Variants in ABCB5 observed in about 807,000 individuals in gnomAD.
ABCB5 encodes ATP-binding cassette sub-family B member 5.
A neutral mutation model predicts 144.2 loss-of-function variants in ABCB5; 155 were observed. The ratio of observed to expected loss-of-function variants is 1.08; its 90% CI spans 0.94 to 1.23. The LOEUF (loss-of-function observed/expected upper bound fraction) is 1.23, where lower values mean the gene tolerates loss of function less well. ABCB5 is among the 50% of genes most tolerant of loss of function. The probability of loss-of-function intolerance (pLI) is 0.00; values close to 1 mark genes in which losing one functional copy is unlikely to be tolerated. For missense variants in ABCB5, 1,830 were observed against 1,520.8 expected (o/e 1.20, Z -3.38); for synonymous variants, 610 against 528.6 (o/e 1.15, Z -2.11).
In ABCB5 at chr7:20,620,498, G is replaced by T. The variant is rs187899098; in HGVS notation, c.-21-2767G>T. ...ATAAAACAAAATATTTGCAAATCAC[G>T]TACTTAATAATATCCAGAATATATA... On this transcript the variant is annotated intron_variant, in intron 1 of 27. Coordinates refer to ENST00000404938, the MANE Select transcript of ABCB5 (RefSeq NM_001163941.2). Among the ~76,000 whole-genome samples, 485 of 151,912 alleles carry T rather than the reference G, an allele frequency of 3.2e-3. 11 individuals are homozygous for T. The highest frequency in any genetic ancestry group is 0.028 in the Admixed American group (424 of 15,230).
intron 26 of ABCB5, among the ~76,000 whole-genome samples, chr7:20,749,365 C>T (rs1182818307): frequency 6.7e-6 from 1 of 149,726 alleles, no homozygotes; most frequent in East Asian, 2.0e-4. Context: ...GGAGCTGCGA[C>T]CATAGGTGCC....
At chr7:20,720,231 T>C (rs1781816321) in intron 20 of ABCB5, among the ~76,000 whole-genome samples, 1 of 152,154 alleles carries the variant, frequency 6.6e-6, no homozygotes, top group South Asian at 2.1e-4. Context: ...ACATCTGGGA[T>C]AATTTGAGTC....
In ABCB5 at chr7:20,698,467, T is replaced by C; in HGVS notation, c.2071T>C (p.Phe691Leu). 5 of 1,600,328 alleles carry C rather than the reference T, an allele frequency of 3.1e-6. No homozygotes were observed. Among genetic ancestry groups the C allele is most frequent in the Non-Finnish European group, 4.3e-6 (5 of 1,175,384 alleles). The stretch of plus-strand genomic sequence containing the variant: ...AAAGTTAAACAAGCCTGAATGGCCT[T>C]TTGTGGTTCTGGGGACATTGGCTTC... The part of the protein sequence containing the change: ...ILKLNKPEWP[F>L]VVLGTLASVL... The change falls in exon 17 of 28, where the codon TTT (phenylalanine) becomes CTT (leucine). Residue 691 changes from phenylalanine (F) to leucine (L), a missense_variant. Transcript: ENST00000404938.
At position 20,755,420 on chromosome 7, in the gene ABCB5, C is replaced by T. The variant is rs1180427104; in HGVS notation, c.3577-7C>T. The T allele has an allele frequency of 6.2e-7, 1 of 1,613,924 alleles. No individual in the cohort carries two copies. On this transcript the variant is annotated splice_region_variant and splice_polypyrimidine_tract_variant and intron_variant, in intron 27 of 27. Transcript: ENST00000404938. ...AACTGGTGATCACAGGTCTTTCTCT[C>T]TTCCAGGTGGTTCAGCATGCCCTTG...
At chr7:20,706,225 A>T (rs1786817718) in intron 20 of ABCB5, among the ~76,000 whole-genome samples, 2 of 152,176 alleles carry the variant, frequency 1.3e-5, no homozygotes. Context: ...TCCAGGCAGA[A>T]ATATCAATCC....
At chr7:20,718,126 G>C (rs974416780) in intron 20 of ABCB5, among the ~76,000 whole-genome samples, 1 of 151,018 alleles carries the variant, frequency 6.6e-6, no homozygotes, top group Non-Finnish European at 1.5e-5. Flanking sequence ...AGCCAGGATG[G>C]TCTTGATCTC....
chr7:20,676,161 TACACATACACACACAC>T lies in ABCB5; in HGVS notation c.1708-5338_1708-5323del, dbSNP rs1416709393. On this transcript the variant is annotated intron_variant, in intron 14 of 27. Coordinates refer to ENST00000404938, the MANE Select transcript of ABCB5 (RefSeq NM_001163941.2). ...TTACCATGTGACCCAGCAATTCTAC[TACACATACACACACAC>T]ACACACACACACACACACACACATA... Among the ~76,000 whole-genome samples the T allele has an allele frequency of 2.9e-3, 274 of 95,860 alleles. 1 individual carries two copies. Among genetic ancestry groups the T allele is most frequent in the African/African-American group, 9.8e-3 (253 of 25,766 alleles). 62.9% of individuals were successfully genotyped at this position (95,860 alleles called of 152,430 possible).
At position 20,738,996 on chromosome 7, in the gene ABCB5, A is replaced by G; in HGVS notation, c.2881A>G (p.Ile961Val). ...ATCTTTTGATAGAGTTTTTACTGCAATTGCATATGGAGCTATGGCCATCGG... is the reference window on the plus strand; with the variant it reads ...ATCTTTTGATAGAGTTTTTACTGCAGTTGCATATGGAGCTATGGCCATCGG... ...PEGMFIVFTAIAYGAMAIGET... is the reference protein window; with the variant it reads ...PEGMFIVFTAVAYGAMAIGET... Residue 961 changes from isoleucine to valine, a missense_variant, in exon 24 of 28, where the codon ATT becomes GTT. Transcript: ENST00000404938. 1 of 1,599,222 alleles carries G rather than the reference A, an allele frequency of 6.3e-7. No individual in the cohort carries two copies. The highest frequency in any genetic ancestry group is 8.5e-7 in the Non-Finnish European group (1 of 1,173,560).
chr7:20,667,796 C>G (rs1785255653), intron 14 of ABCB5, among the ~76,000 whole-genome samples: 1 of 150,022 alleles, frequency 6.7e-6, no homozygotes, highest in Admixed American at 6.6e-5. Flanking sequence ...GTACTGCTGC[C>G]ATCTCGGCTC....
chr7:20,745,195 G>T, intron 25 of ABCB5, 37 bp from the exon 26 acceptor site: 1 of 1,592,484 alleles, frequency 6.3e-7, no homozygotes, highest in Non-Finnish European at 8.6e-7. Flanking sequence ...ACAGTTGTGT[G>T]ATCTTAACAC....
At chr7:20,705,219 CAG>C (rs1375819642) in intron 20 of ABCB5, among the ~76,000 whole-genome samples, 4 of 152,116 alleles carry the variant, frequency 2.6e-5, no homozygotes, top group Non-Finnish European at 5.9e-5. Flanking sequence ...TCTAACAATT[CAG>C]AGTCATGTGT....
chr7:20,668,190 G>GGGAT (rs1477373309), intron 14 of ABCB5, among the ~76,000 whole-genome samples: 2 of 145,982 alleles, frequency 1.4e-5, no homozygotes, highest in Non-Finnish European at 3.0e-5. Context: ...CCCATCGTCT[G>GGGAT]GGATATGAGG....
intron 14 of ABCB5, among the ~76,000 whole-genome samples, chr7:20,666,374 T>C (rs193190673): frequency 1.3e-5 from 2 of 152,282 alleles, no homozygotes; most frequent in East Asian, 3.9e-4. Flanking sequence ...GTGTTATGCC[T>C]GGTAATGGAC....
chr7:20,673,430 T>C (rs986842103), intron 14 of ABCB5, among the ~76,000 whole-genome samples: 1 of 152,028 alleles, frequency 6.6e-6, no homozygotes, highest in Non-Finnish European at 1.5e-5. Context: ...GTGTCATGTA[T>C]TTTAGAACTG....
chr7:20,717,816 C>A (rs1416112466), intron 20 of ABCB5, among the ~76,000 whole-genome samples: 1 of 148,846 alleles, frequency 6.7e-6, no homozygotes, highest in African/African-American at 2.5e-5. Context: ...CTTAATTATC[C>A]CTGTATCTAT....
intron 5 of ABCB5, among the ~76,000 whole-genome samples, chr7:20,634,671 T>C (rs747099334): frequency 1.3e-4 from 20 of 152,170 alleles, no homozygotes; most frequent in Non-Finnish European, 2.2e-4. Flanking sequence ...TTTTTTCATA[T>C]GCTTTTTGGA....
Position 20,647,964 on chromosome 7 carries a change from C to A in ABCB5, c.1096-4C>A, listed in dbSNP as rs758721304. On this transcript the variant is annotated splice_polypyrimidine_tract_variant and splice_region_variant and intron_variant, in intron 10 of 27. Coordinates refer to ENST00000404938, the MANE Select transcript of ABCB5 (RefSeq NM_001163941.2). ...ATTTATAACATTTCCTTTGTTTTTCCAAGAAACCCAGTATAGATAACTTTT... is the reference window on the plus strand; with the variant it reads ...ATTTATAACATTTCCTTTGTTTTTCAAAGAAACCCAGTATAGATAACTTTT... The A allele has an allele frequency of 1.3e-6, 2 of 1,553,346 alleles. No homozygotes were observed. Among genetic ancestry groups the A allele is most frequent in the East Asian group, 4.5e-5 (2 of 44,590 alleles).
Position 20,630,013 on chromosome 7 carries a change from T to G in ABCB5, c.259+1175T>G, listed in dbSNP as rs1336191513. Among the ~76,000 whole-genome samples the G allele has an allele frequency of 2.0e-5, 3 of 152,168 alleles. No homozygotes were observed. The East Asian group carries it at 5.8e-4, about 29-fold the overall frequency. Reference sequence around the variant, plus strand: ...AAGGTGTTTTCATATTGCTCTTATCTGTAGGCATCTTTCGTGTATCGTTTG... The same window carrying G: ...AAGGTGTTTTCATATTGCTCTTATCGGTAGGCATCTTTCGTGTATCGTTTG... On this transcript the variant is annotated intron_variant, in intron 4 of 27. Coordinates refer to ENST00000404938, the MANE Select transcript of ABCB5 (RefSeq NM_001163941.2).
chr7:20,692,856 G>A (rs888584006), intron 16 of ABCB5, among the ~76,000 whole-genome samples: 2 of 152,032 alleles, frequency 1.3e-5, no homozygotes, highest in Non-Finnish European at 2.9e-5. Flanking sequence ...GGATAAAGAA[G>A]TTTCTTTCAA....
Sources: gnomAD v4.1 joint callset for allele counts (sites outside exome capture counted in the v4.1 genomes callset) on GRCh38, gnomAD v4.1.1 for gene constraint, MANE v1.5 for transcripts, NCBI Gene and HGNC (gene_info 2026-07-23, HGNC 2026-07-21) for gene names.